LAMB4: variants seen among roughly 807,000 people sequenced by gnomAD.
The protein encoded by LAMB4 is laminin subunit beta 4, also known as laminin subunit beta-4.
In LAMB4, 196 loss-of-function variants were observed where a neutral mutation model predicts 199.2. The ratio of observed to expected loss-of-function variants is 0.98; its 90% confidence interval spans 0.88 to 1.11. LAMB4 has a LOEUF of 1.11. Ranked by LOEUF, LAMB4 falls within the 50% of genes least tolerant of loss-of-function variation. LAMB4 has a pLI of 0.00. For synonymous variants in LAMB4, 744 were observed against 770.6 expected, an observed-to-expected ratio of 0.97 and a Z score of 0.57; for missense variants, 2,080 against 2,171.2, an observed-to-expected ratio of 0.96 and a Z score of 0.83.
At chr7:108,034,437 C>T in intron 30 of LAMB4, 91 bp from the exon 31 acceptor site, 1 of 972,256 alleles carries the variant, frequency 1.0e-6, no homozygotes, top group Non-Finnish European at 1.6e-6. Flanking sequence ...CAACCAAATA[C>T]TTTACTGAAT....
At chr7:108,093,379 A>G (rs1216568981) in intron 12 of LAMB4, among the ~76,000 whole-genome samples, 4 of 152,176 alleles carry the variant, frequency 2.6e-5, no homozygotes, top group African/African-American at 9.6e-5. Flanking sequence ...AACTGCTTTT[A>G]AAAAAACTGA....
At chr7:108,067,795 G>A (rs548570109) in intron 19 of LAMB4, among the ~76,000 whole-genome samples, 4 of 152,274 alleles carry the variant, frequency 2.6e-5, no homozygotes, top group Admixed American at 1.3e-4. Context: ...CATTACTCTC[G>A]GTTCCTAATG....
In LAMB4 at chr7:108,065,912, C is replaced by A; in HGVS notation, c.2686G>T (p.Asp896Tyr). The A allele has an allele frequency of 6.2e-7, 1 of 1,612,736 alleles. No homozygotes were observed. The highest frequency in any genetic ancestry group is 1.3e-5 in the African/African-American group (1 of 74,982). The change falls in exon 21 of 34, where the codon GAT (aspartate) becomes TAT (tyrosine). Residue 896 changes from aspartate to tyrosine, a missense_variant. Physicochemically the swap from Asp to Tyr is radical, Grantham distance 160. Coordinates refer to ENST00000388781, the MANE Select transcript of LAMB4 (RefSeq NM_007356.3). Reference protein sequence around the residue: ...TTGRNCERCIDGYYGNPSSGQ... With the variant: ...TTGRNCERCIYGYYGNPSSGQ... ...GAAGAAGGATTTCCATAGTAACCAT[C>A]AATACACCTGTCAAGACAATTTCCT...
chr7:108,081,487 C>T (rs2036939703), intron 14 of LAMB4, among the ~76,000 whole-genome samples: 1 of 152,204 alleles, frequency 6.6e-6, no homozygotes, highest in African/African-American at 2.4e-5. Flanking sequence ...CCTTCACTCT[C>T]TTAAGAGTAT....
rs367676810 is a variant in LAMB4 at position 108,107,683 on chromosome 7, T to A, written c.539A>T (p.Asp180Val). Residue 180 changes from aspartate (D) to valine (V), a missense_variant, in exon 6 of 34, where the codon GAC becomes GTC. Transcript: ENST00000388781. ...CGAGTATTTGGAGTCACAAACAATGTCTCCCACTCCCTGGGCCTGGCCAGA... is the reference window on the plus strand; with the variant it reads ...CGAGTATTTGGAGTCACAAACAATGACTCCCACTCCCTGGGCCTGGCCAGA... ...ITSGQAQGVGDIVCDSKYSDI... is the reference protein window; with the variant it reads ...ITSGQAQGVGVIVCDSKYSDI... 79 of 1,612,274 alleles carry A rather than the reference T, an allele frequency of 4.9e-5. No individual in the cohort carries two copies. In the Middle Eastern group the frequency reaches 4.9e-4, roughly 10 times the overall value.
At chr7:108,014,942 G>A in the LAMB4 span, among the ~76,000 whole-genome samples, 9 of 152,064 alleles carry the variant, frequency 5.9e-5, no homozygotes, top group African/African-American at 4.8e-5. Context: ...GGCTGGTCTC[G>A]AACTCCTGAC....
intron 14 of LAMB4, among the ~76,000 whole-genome samples, chr7:108,082,711 T>C (rs1184102292): frequency 6.6e-6 from 1 of 152,156 alleles, no homozygotes; most frequent in East Asian, 1.9e-4. Context: ...AGAGCTCTTG[T>C]AGTAGGAAAA....
intron 8 of LAMB4, 24 bp from the exon 9 acceptor site, chr7:108,104,643 G>T: frequency 2.5e-6 from 4 of 1,608,988 alleles, no homozygotes; most frequent in African/African-American, 2.7e-5. Flanking sequence ...TAAATAGAGC[G>T]TTGAAAGAGG....
At position 108,107,749 on chromosome 7, in the gene LAMB4, T is replaced by C. The variant is rs2038075813; in HGVS notation, c.473A>G (p.Tyr158Cys). Residue 158 changes from tyrosine (Y) to cysteine (C), a missense_variant, in exon 6 of 34, where the codon TAT becomes TGT. By Grantham distance (194) the Tyr-to-Cys change is radical. Transcript: ENST00000388781. The stretch of plus-strand genomic sequence containing the variant: ...GGAAGTGGCACAGTCTTTTGCAAAA[T>C]ATTTGAACACTTTCCAGTTGTGTCC... Reference protein sequence around the residue: ...DYGHNWKVFKYFAKDCATSFP... With the variant: ...DYGHNWKVFKCFAKDCATSFP... 1 of 1,613,800 alleles carries C rather than the reference T, an allele frequency of 6.2e-7. No individual in the cohort carries two copies. The highest frequency in any genetic ancestry group is 1.1e-5 in the South Asian group (1 of 91,044).
downstream of LAMB4, among the ~76,000 whole-genome samples, chr7:108,018,959 T>TTCTTCCACCTTGTTTCACAGTATTA (rs1307919308): frequency 5.3e-5 from 8 of 152,306 alleles, no homozygotes; most frequent in Admixed American, 1.3e-4. Flanking sequence ...AGGGACCTGT[T>TTCTTCCACCTTGTTTCACAGTATTA]TCTTCCACCT....
intron 29 of LAMB4, 27 bp downstream of exon 29, chr7:108,043,725 T>G (rs751638835): frequency 6.9e-7 from 1 of 1,456,050 alleles, no homozygotes; most frequent in South Asian, 1.2e-5. Context: ...AAACAAAAAC[T>G]AGTCCTAATA....
intron 28 of LAMB4, among the ~76,000 whole-genome samples, chr7:108,045,624 T>G (rs2035592517): frequency 6.6e-6 from 1 of 152,224 alleles, no homozygotes; most frequent in African/African-American, 2.4e-5. Flanking sequence ...TGGGTGAGGT[T>G]TCTATTTTTT....
In LAMB4 at chr7:108,029,093, G is replaced by T. The variant is rs189681685; in HGVS notation, c.5096C>A (p.Ala1699Glu). Residue 1699 changes from alanine to glutamate, a missense_variant, in exon 33 of 34, where the codon GCG becomes GAG. By Grantham distance (107) the Ala-to-Glu change is moderately radical. Coordinates refer to ENST00000388781, the MANE Select transcript of LAMB4 (RefSeq NM_007356.3). ...TGTATCTCCAGCCAATTTTTCTGCC[G>T]CATCTTTTAGCTGTTTAACTTTTCC... ...TLGKVKQLKD[A>E]AEKLAGDTEA... 2 of 1,613,652 alleles carry T rather than the reference G, an allele frequency of 1.2e-6. No individual in the cohort carries two copies. The highest frequency in any genetic ancestry group is 2.2e-5 in the East Asian group (1 of 44,820).
intron 14 of LAMB4, among the ~76,000 whole-genome samples, chr7:108,080,117 C>T (rs1031965599): frequency 4.6e-5 from 7 of 152,130 alleles, no homozygotes; most frequent in African/African-American, 7.2e-5. Flanking sequence ...GATATGACTG[C>T]GGAGTTCTTC....
intron 12 of LAMB4, 94 bp downstream of exon 12, chr7:108,095,134 C>A: frequency 7.1e-6 from 6 of 848,554 alleles, no homozygotes; most frequent in Non-Finnish European, 1.1e-5. Flanking sequence ...CACAATAGGA[C>A]AAGAAAGAGA....
At position 108,104,574 on chromosome 7, in the gene LAMB4, A is replaced by G. The variant is rs750392637; in HGVS notation, c.916T>C (p.Cys306Arg). The G allele has an allele frequency of 6.2e-7, 1 of 1,614,220 alleles. No homozygotes were observed. The highest frequency in any genetic ancestry group is 8.5e-7 in the Non-Finnish European group (1 of 1,180,038). Residue 306 changes from cysteine (C) to arginine (R), a missense_variant, in exon 9 of 34, where the codon TGT (cysteine) becomes CGT (arginine). Coordinates refer to ENST00000388781, the MANE Select transcript of LAMB4 (RefSeq NM_007356.3). ...VCQHNTDGPN[C>R]ERCKDFFQDA... is the part of the protein sequence containing the mutation. Reference sequence around the variant, plus strand: ...TGGAAGAAGTCCTTGCATCTCTCACAGTTCGGACCATCTGTATTGTGCTGA... The same window carrying G: ...TGGAAGAAGTCCTTGCATCTCTCACGGTTCGGACCATCTGTATTGTGCTGA...
intron 29 of LAMB4, among the ~76,000 whole-genome samples, 178 bp from the exon 30 acceptor site, chr7:108,037,773 T>C (rs2035281777): frequency 6.6e-6 from 1 of 152,230 alleles, no homozygotes; most frequent in Admixed American, 6.5e-5. Context: ...CTGTCCCTTC[T>C]CTCTGGAAGA....
chr7:108,093,072 C>G (rs544063316), intron 12 of LAMB4, among the ~76,000 whole-genome samples: 2 of 152,248 alleles, frequency 1.3e-5, no homozygotes, highest in South Asian at 4.2e-4. Flanking sequence ...GTGTAACTGC[C>G]TGTATTTTTC....
chr7:108,126,417 C>G lies in LAMB4; in HGVS notation c.-33-3220G>C, dbSNP rs572483821. On this transcript the variant is annotated intron_variant, in intron 1 of 33. Coordinates refer to ENST00000388781, the MANE Select transcript of LAMB4 (RefSeq NM_007356.3). ...TGGCAGCCACCGTTCTACTTTCTGTCTCTATGGATTTGACTACTCTAAGTA... is the reference window on the plus strand; with the variant it reads ...TGGCAGCCACCGTTCTACTTTCTGTGTCTATGGATTTGACTACTCTAAGTA... Among the ~76,000 whole-genome samples, 11 of 152,220 alleles carry G rather than the reference C, an allele frequency of 7.2e-5. 1 individual carries two copies. Among genetic ancestry groups the G allele is most frequent in the Admixed American group, 7.2e-4 (11 of 15,296 alleles).
Sources: gnomAD v4.1 joint callset for allele counts (sites outside exome capture counted in the v4.1 genomes callset) on GRCh38, gnomAD v4.1.1 for gene constraint, MANE v1.5 for transcripts, NCBI Gene and HGNC (gene_info 2026-07-23, HGNC 2026-07-21) for gene names.